The following DAB1 variants were observed in gnomAD, a reference collection of about 807,000 sequenced individuals.
The protein encoded by DAB1 is disabled homolog 1.
DAB1 carries 15 observed loss-of-function variants against 64.6 expected under a neutral mutation model. The observed-to-expected ratio is 0.23, with a 90% CI of 0.16 to 0.36. The LOEUF (loss-of-function observed/expected upper bound fraction) is 0.36. DAB1 is among the 10% of genes least tolerant of loss of function. The probability of loss-of-function intolerance (pLI) is 1.00; values close to 1 mark genes in which losing one functional copy is unlikely to be tolerated. For missense variants in DAB1, 596 were observed against 706.7 expected (o/e 0.84, Z 1.78); for synonymous variants, 235 against 251.9 (o/e 0.93, Z 0.64).
At chr1:57,840,707 A>G (rs1355977043) in intron 1 of DAB1, among the ~76,000 whole-genome samples, 3 of 152,094 alleles carry the variant, frequency 2.0e-5, no homozygotes, top group Non-Finnish European at 4.4e-5. Flanking sequence ...ACACTTTAAA[A>G]CCATCAGATC....
intron 2 of DAB1, among the ~76,000 whole-genome samples, chr1:58,514,887 G>T (rs1412495081): frequency 6.6e-6 from 1 of 152,138 alleles, no homozygotes; most frequent in Non-Finnish European, 1.5e-5. Flanking sequence ...CTGTCTATGA[G>T]AGCTTTGCCA....
rs1325090974 is a variant in DAB1, at chr1:58,300,645, A to G, written n.309+42707T>C. Reference sequence around the variant, plus strand: ...GAGAGAGAGAGAGAGAGAGAGAGAGAGAGGAAGGAAGGAAGGAAGGAAGGA... The same window carrying G: ...GAGAGAGAGAGAGAGAGAGAGAGAGGGAGGAAGGAAGGAAGGAAGGAAGGA... On this transcript the variant is annotated intron_variant and non_coding_transcript_variant, in intron 4 of 20. Coordinates refer to the DAB1 transcript ENST00000485760. 3.6e-3 allele frequency among the ~76,000 whole-genome samples: 203 copies of G among 55,780 alleles called. 3 individuals carry two copies. Among genetic ancestry groups the G allele is most frequent in the Admixed American group, 5.8e-3 (33 of 5,646 alleles). 36.6% of individuals were successfully genotyped at this position (55,780 alleles called of 152,430 possible).
chr1:57,999,761 G>A (rs561094983), intron 5 of DAB1, among the ~76,000 whole-genome samples: 8 of 152,042 alleles, frequency 5.3e-5, no homozygotes, highest in Non-Finnish European at 1.2e-4. Flanking sequence ...CTGGTCTACA[G>A]CTTTATGCTG....
intron 7 of DAB1, among the ~76,000 whole-genome samples, chr1:57,581,415 T>C (rs1457530248): frequency 2.0e-5 from 3 of 152,146 alleles, no homozygotes; most frequent in Non-Finnish European, 4.4e-5. Context: ...GTAAAGGATT[T>C]GAATACAATG....
chr1:57,807,577 C>T (rs1161914825), intron 6 of DAB1, among the ~76,000 whole-genome samples: 1 of 152,214 alleles, frequency 6.6e-6, no homozygotes, highest in African/African-American at 2.4e-5. Flanking sequence ...CTCATCATAT[C>T]CTGTCTTCTA....
chr1:58,152,808 T>C (rs1328587879), intron 4 of DAB1, among the ~76,000 whole-genome samples: 1 of 152,210 alleles, frequency 6.6e-6, no homozygotes, highest in African/African-American at 2.4e-5. Context: ...TTAAAAGCAC[T>C]TCAACATCTA....
intron 5 of DAB1, among the ~76,000 whole-genome samples, chr1:57,939,994 A>G (rs1474216242): frequency 6.6e-6 from 1 of 152,220 alleles, no homozygotes; most frequent in Non-Finnish European, 1.5e-5. Flanking sequence ...ACAACACTAT[A>G]AAGGGAGGGA....
At chr1:57,421,917 C>CGGGGGGGGGGGGGGGG (rs200226853) in intron 1 of DAB1, among the ~76,000 whole-genome samples, 1 of 6,818 alleles carries the variant, frequency 1.5e-4, no homozygotes, top group African/African-American at 3.7e-4. Context: ...GGGGGGGTGG[C>CGGGGGGGGGGGGGGGG]GGGGGGGGGT....
intron 4 of DAB1, among the ~76,000 whole-genome samples, chr1:58,200,922 T>C (rs1657961527): frequency 6.6e-6 from 1 of 152,202 alleles, no homozygotes; most frequent in South Asian, 2.1e-4. Flanking sequence ...ATTTTGCCAA[T>C]TTCTTTTCCA....
chr1:57,398,151 C>T (rs569513154), intron 1 of DAB1, among the ~76,000 whole-genome samples: 10 of 152,180 alleles, frequency 6.6e-5, no homozygotes, highest in Non-Finnish European at 1.5e-4. Flanking sequence ...TCAACACTAT[C>T]GAGTGCACCC....
At chr1:58,454,811 T>G (rs1486677781) in intron 3 of DAB1, among the ~76,000 whole-genome samples, 4 of 152,170 alleles carry the variant, frequency 2.6e-5, no homozygotes, top group South Asian at 4.1e-4. Flanking sequence ...TTCTCCTTTC[T>G]CAGGAAAGAA....
chr1:57,821,530 C>T (rs1404314349), downstream of DAB1, among the ~76,000 whole-genome samples: 1 of 152,206 alleles, frequency 6.6e-6, no homozygotes, highest in Non-Finnish European at 1.5e-5. Flanking sequence ...AAAACTTTCA[C>T]AACCATTTGG....
chr1:58,301,118 T>C (rs949461825), intron 4 of DAB1, among the ~76,000 whole-genome samples: 5 of 151,012 alleles, frequency 3.3e-5, no homozygotes, highest in African/African-American at 1.2e-4. Flanking sequence ...TCTACAAGTA[T>C]AGCATGCTGG....
rs367969048 is a variant in DAB1 at position 57,293,132 on chromosome 1, C to T, written c.-136-1966G>A. ...ACAACCAAACCAGTAAAAGGAGGCA[C>T]GACTCTAGCAGGGAGGTGATGCACT... On this transcript the variant is annotated intron_variant, in intron 1 of 14. Coordinates refer to ENST00000371236, the MANE Select transcript of DAB1 (RefSeq NM_001365792.1). 2.1e-4 allele frequency among the ~76,000 whole-genome samples: 32 copies of T among 152,120 alleles called. 1 individual carries two copies. The Middle Eastern group carries it at 0.01, about 49-fold the overall frequency.
At chr1:58,173,554 T>C (rs1656294205) in intron 4 of DAB1, among the ~76,000 whole-genome samples, 1 of 152,128 alleles carries the variant, frequency 6.6e-6, no homozygotes, top group African/African-American at 2.4e-5. Flanking sequence ...ACAAAATGGT[T>C]TTTTCTCCAA....
chr1:57,784,300 G>A (rs1224974509), intron 6 of DAB1, among the ~76,000 whole-genome samples: 1 of 152,026 alleles, frequency 6.6e-6, no homozygotes, highest in East Asian at 1.9e-4. Flanking sequence ...AGTCTGAGGT[G>A]GGAGGATCAC....
chr1:58,183,430 G>T (rs1170598336), intron 4 of DAB1, among the ~76,000 whole-genome samples: 3 of 151,018 alleles, frequency 2.0e-5, no homozygotes, highest in African/African-American at 7.4e-5. Context: ...CAGGGATAGT[G>T]GCAGCTTATC....
At chr1:58,481,456 T>C (rs1343182780) in intron 3 of DAB1, among the ~76,000 whole-genome samples, 2 of 152,140 alleles carry the variant, frequency 1.3e-5, no homozygotes, top group Non-Finnish European at 1.5e-5. Context: ...AAACAAATCT[T>C]AGAGATACAT....
intron 4 of DAB1, among the ~76,000 whole-genome samples, chr1:58,226,150 G>A (rs1239238276): frequency 6.6e-6 from 1 of 152,060 alleles, no homozygotes; most frequent in Non-Finnish European, 1.5e-5. Flanking sequence ...CCAAGTCATG[G>A]TATCTCCATC....
Sources: gnomAD v4.1 joint callset for allele counts (sites outside exome capture counted in the v4.1 genomes callset) on GRCh38, gnomAD v4.1.1 for gene constraint, MANE v1.5 for transcripts, NCBI Gene and HGNC (gene_info 2026-07-23, HGNC 2026-07-21) for gene names.